The following PCGF5 variants were observed in gnomAD, a reference collection of about 807,000 sequenced individuals.
PCGF5 encodes the protein polycomb group ring finger 5.
In PCGF5, 9 loss-of-function variants were observed where a neutral mutation model predicts 44.3. The ratio of observed to expected loss-of-function variants is 0.20; its 90% CI spans 0.12 to 0.35. The LOEUF is 0.35. Among genes scored for constraint, PCGF5 ranks in the 10% least tolerant of loss-of-function variants. PCGF5 has a pLI of 1.00. For missense variants in PCGF5, 146 were observed against 305.3 expected, an observed-to-expected ratio of 0.48 and a Z score of 3.89; for synonymous variants, 95 against 102.5, an observed-to-expected ratio of 0.93 and a Z score of 0.44.
chr10:91,231,822 A>G (rs906081333), intron 2 of PCGF5, among the ~76,000 whole-genome samples: 1 of 152,196 alleles, frequency 6.6e-6, no homozygotes, highest in African/African-American at 2.4e-5. Flanking sequence ...AGGAGATGGT[A>G]ATGGCTTGCA....
chr10:91,207,657 C>T (rs1844371739), intron 1 of PCGF5, among the ~76,000 whole-genome samples: 1 of 152,172 alleles, frequency 6.6e-6, no homozygotes, highest in Admixed American at 6.5e-5. Flanking sequence ...AGTCTAAAAT[C>T]ACACACTGTA....
rs59254639 is a variant in PCGF5 at position 91,173,578 on chromosome 10, C to CTTTTTTTTTTTTTTTTTTT, written c.-184+10514_-184+10515insTTTTTTTTTTTTTTTTTTT. On this transcript the variant is annotated intron_variant, in intron 1 of 9. Transcript: ENST00000614189. ...TTATTCTTCTGCTAGAGGGAGTTGG[C>CTTTTTTTTTTTTTTTTTTT]TTTTTTTTTTTTTTTTTCCCACAGA... Among the ~76,000 whole-genome samples the CTTTTTTTTTTTTTTTTTTT allele has an allele frequency of 2.1e-3, 245 of 115,610 alleles. 26 individuals are homozygous for CTTTTTTTTTTTTTTTTTTT. Among genetic ancestry groups the CTTTTTTTTTTTTTTTTTTT allele is most frequent in the African/African-American group, 7.4e-3 (217 of 29,290 alleles). The allele number at this position is 115,610 out of a possible 152,430, so 75.8% of individuals were successfully genotyped here. A position where few individuals can be genotyped will look rare whatever the true frequency, so the allele number is the denominator to read the frequency against.
At chr10:91,161,253 C>G (rs1843377490), upstream of PCGF5, among the ~76,000 whole-genome samples, 1 of 152,228 alleles carries the variant, frequency 6.6e-6, no homozygotes, top group South Asian at 2.1e-4. Context: ...ACGTCCAGTT[C>G]TTTCAACACT....
intron 1 of PCGF5, among the ~76,000 whole-genome samples, chr10:91,199,258 T>G (rs1844201007): frequency 6.6e-6 from 1 of 152,064 alleles, no homozygotes; most frequent in Admixed American, 6.5e-5. Context: ...GACTCCCAGG[T>G]GTAGTTTTGT....
At chr10:91,181,381 T>C (rs7920283) in intron 1 of PCGF5, among the ~76,000 whole-genome samples, 13,863 of 152,178 alleles carry the variant, frequency 0.091, 1,066 homozygotes, top group African/African-American at 0.2. Flanking sequence ...GGCCGGAACT[T>C]TGAATACTAT....
chr10:91,163,127 G>A (rs1461543744), intron 1 of PCGF5: 1 of 149,850 alleles, frequency 6.7e-6, no homozygotes, highest in African/African-American at 2.4e-5. Flanking sequence ...CGCCCGACGC[G>A]GCCCAGGGAA....
At chr10:91,247,884 C>G (rs1313375873) in intron 3 of PCGF5, among the ~76,000 whole-genome samples, 2 of 152,116 alleles carry the variant, frequency 1.3e-5, no homozygotes, top group Non-Finnish European at 2.9e-5. Context: ...ATTTATTATT[C>G]CTCCTGGTTC....
At chr10:91,231,633 T>TGG (rs1479755134) in intron 2 of PCGF5, among the ~76,000 whole-genome samples, 1 of 152,220 alleles carries the variant, frequency 6.6e-6, no homozygotes, top group Non-Finnish European at 1.5e-5. Flanking sequence ...CGCAGGCACG[T>TGG]GGCGCAGTTC....
intron 1 of PCGF5, among the ~76,000 whole-genome samples, chr10:91,186,065 G>A (rs1461042035): frequency 6.6e-6 from 1 of 152,238 alleles, no homozygotes; most frequent in African/African-American, 2.4e-5. Flanking sequence ...TTTGCAGACA[G>A]TAGTTAAATT....
chr10:91,177,707 G>T (rs111652837), intron 1 of PCGF5, among the ~76,000 whole-genome samples: 22 of 152,240 alleles, frequency 1.4e-4, no homozygotes, highest in South Asian at 4.1e-4. Flanking sequence ...CTCCAAGCCA[G>T]GTGCAGGATA....
upstream of PCGF5, among the ~76,000 whole-genome samples, chr10:91,219,701 C>G (rs938436443): frequency 6.6e-6 from 1 of 152,170 alleles, no homozygotes; most frequent in Non-Finnish European, 1.5e-5. Context: ...ATTGCTCCTG[C>G]TGTGATATTA....
At chr10:91,270,380 G>A (rs75492287) in intron 8 of PCGF5, among the ~76,000 whole-genome samples, 19 of 147,936 alleles carry the variant, frequency 1.3e-4, no homozygotes, top group Non-Finnish European at 1.3e-4. Context: ...GAGATCAATA[G>A]AAAAAAAAAA....
intron 2 of PCGF5, among the ~76,000 whole-genome samples, chr10:91,223,538 TA>T (rs986655229): frequency 2.0e-5 from 3 of 152,216 alleles, no homozygotes; most frequent in Non-Finnish European, 4.4e-5. Flanking sequence ...ATCACTGTTC[TA>T]GTAGTAGTAT....
At chr10:91,169,457 A>C (rs907547918) in intron 1 of PCGF5, among the ~76,000 whole-genome samples, 1 of 152,248 alleles carries the variant, frequency 6.6e-6, no homozygotes, top group Admixed American at 6.5e-5. Context: ...AGGCTAGTAT[A>C]TGAAAGTTCA....
At chr10:91,217,292 G>A (rs766163329), upstream of PCGF5, among the ~76,000 whole-genome samples, 6 of 152,122 alleles carry the variant, frequency 3.9e-5, no homozygotes, top group South Asian at 2.1e-4. Flanking sequence ...TCGGCCTCCC[G>A]AAGTGCTGGG....
At chr10:91,235,772 T>C (rs1845144591) in intron 2 of PCGF5, among the ~76,000 whole-genome samples, 1 of 152,192 alleles carries the variant, frequency 6.6e-6, no homozygotes, top group Admixed American at 6.5e-5. Flanking sequence ...CAAACTCTCT[T>C]TTTGCCTGCT....
intron 9 of PCGF5, among the ~76,000 whole-genome samples, chr10:91,275,699 C>T (rs1174449060): frequency 1.3e-5 from 2 of 151,646 alleles, no homozygotes; most frequent in Admixed American, 1.3e-4. Context: ...GTGATCTGCC[C>T]GCCTCGGGCT....
upstream of PCGF5, among the ~76,000 whole-genome samples, chr10:91,219,984 C>A (rs1844623710): frequency 6.6e-6 from 1 of 152,168 alleles, no homozygotes; most frequent in South Asian, 2.1e-4. Flanking sequence ...CTTAAGCCAT[C>A]ACTGCTCTGG....
chr10:91,271,611 T>C (rs760221354), intron 8 of PCGF5, 27 bp from the exon 9 acceptor site: 1 of 1,605,336 alleles, frequency 6.2e-7, no homozygotes, highest in South Asian at 1.1e-5. Context: ...GGATGCCTCT[T>C]ATCTGATGAG....
Sources: gnomAD v4.1 joint callset for allele counts (sites outside exome capture counted in the v4.1 genomes callset) on GRCh38, gnomAD v4.1.1 for gene constraint, MANE v1.5 for transcripts, NCBI Gene and HGNC (gene_info 2026-07-23, HGNC 2026-07-21) for gene names.